Variants in DNM3 observed in about 807,000 individuals in gnomAD.
DNM3 encodes the protein dynamin-3.
Under a neutral mutation model 101.6 loss-of-function variants are expected in DNM3, and 47 were observed. The observed-to-expected ratio is 0.46, with a 90% CI of 0.37 to 0.59. The LOEUF is 0.59. Among genes scored for constraint, DNM3 ranks in the 20% least tolerant of loss-of-function variants. The pLI is 0.00. For synonymous variants in DNM3, 385 were observed against 387.9 expected (o/e 0.99, Z 0.09); for missense variants, 849 against 1,085.7 (o/e 0.78, Z 3.06).
intron 2 of DNM3, among the ~76,000 whole-genome samples, chr1:171,980,102 T>C (rs543363655): frequency 6.6e-6 from 1 of 151,806 alleles, no homozygotes; most frequent in Non-Finnish European, 1.5e-5. Flanking sequence ...CTCTAACTTT[T>C]ACCCACTGCA....
intron 14 of DNM3, among the ~76,000 whole-genome samples, chr1:172,163,524 C>T (rs2058628613): frequency 6.6e-6 from 1 of 152,030 alleles, no homozygotes; most frequent in African/African-American, 2.4e-5. Context: ...AGGCGTGAGC[C>T]ACTGTGCCTG....
chr1:172,023,973 T>C (rs2048023647), intron 4 of DNM3, among the ~76,000 whole-genome samples: 1 of 151,986 alleles, frequency 6.6e-6, no homozygotes, highest in South Asian at 2.1e-4. Context: ...GTTATTGAGA[T>C]TTTTTGCCTG....
intron 15 of DNM3, among the ~76,000 whole-genome samples, chr1:172,293,429 T>C (rs779095900): frequency 6.6e-6 from 1 of 152,222 alleles, no homozygotes; most frequent in Non-Finnish European, 1.5e-5. Flanking sequence ...AAGTGACTTA[T>C]TTCTTTAAAC....
At chr1:171,873,402 A>G (rs1221058394) in intron 1 of DNM3, among the ~76,000 whole-genome samples, 7 of 152,324 alleles carry the variant, frequency 4.6e-5, no homozygotes, top group Admixed American at 1.3e-4. Flanking sequence ...TTTAAGAGCT[A>G]GAAAAAAGCC....
At chr1:172,044,593 T>C (rs1044764024) in intron 9 of DNM3, 141 bp downstream of exon 9, 3 of 721,824 alleles carry the variant, frequency 4.2e-6, no homozygotes, top group Non-Finnish European at 6.7e-6. Flanking sequence ...AAATCCTACT[T>C]TGGGGTTTAA....
intron 15 of DNM3, among the ~76,000 whole-genome samples, chr1:172,275,658 A>T (rs377150999): frequency 2.3e-4 from 35 of 152,022 alleles, no homozygotes; most frequent in African/African-American, 8.5e-4. Flanking sequence ...TTTCCAGCCC[A>T]TGGAAACACA....
At chr1:171,985,288 T>A (rs1191596376) in intron 2 of DNM3, among the ~76,000 whole-genome samples, 1 of 152,248 alleles carries the variant, frequency 6.6e-6, no homozygotes, top group East Asian at 1.9e-4. Context: ...AATTTTTGCT[T>A]GTTTTCTGGG....
chr1:172,194,455 G>A lies in DNM3; in HGVS notation c.1660-59118G>A, dbSNP rs556339193. On this transcript the variant is annotated intron_variant, in intron 14 of 20. Coordinates refer to ENST00000627582, the MANE Select transcript of DNM3 (RefSeq NM_015569.5). ...CTCATTGATCTGTCTAATGTTGACAGTGGGGTGTTAAAGTCTCCCATTATT... is the reference window on the plus strand; with the variant it reads ...CTCATTGATCTGTCTAATGTTGACAATGGGGTGTTAAAGTCTCCCATTATT... 3.7e-4 allele frequency among the ~76,000 whole-genome samples: 56 copies of A among 152,242 alleles called. 1 individual carries two copies. The South Asian group carries it at 0.011, about 29-fold the overall frequency.
chr1:172,322,328 G>T (rs971027569), intron 16 of DNM3, among the ~76,000 whole-genome samples: 2 of 152,114 alleles, frequency 1.3e-5, no homozygotes, highest in Non-Finnish European at 2.9e-5. Context: ...GTGTCTCAGC[G>T]AGAAATTCCT....
At chr1:172,180,793 T>C (rs561239755) in intron 14 of DNM3, among the ~76,000 whole-genome samples, 1 of 152,230 alleles carries the variant, frequency 6.6e-6, no homozygotes, top group South Asian at 2.1e-4. Context: ...AACACTCTCC[T>C]CTGTTATGTA....
chr1:172,064,266 G>A (rs764859179), intron 10 of DNM3, among the ~76,000 whole-genome samples: 1 of 152,032 alleles, frequency 6.6e-6, no homozygotes, highest in Non-Finnish European at 1.5e-5. Context: ...TTAATATTCT[G>A]ATTACTTTGA....
chr1:172,082,619 G>A (rs1348052275), intron 12 of DNM3, among the ~76,000 whole-genome samples: 1 of 151,822 alleles, frequency 6.6e-6, no homozygotes, highest in Non-Finnish European at 1.5e-5. Flanking sequence ...ATAAAATATA[G>A]CCTATTTTAT....
At chr1:171,888,275 G>C (rs2036956600) in intron 1 of DNM3, among the ~76,000 whole-genome samples, 1 of 152,112 alleles carries the variant, frequency 6.6e-6, no homozygotes, top group African/African-American at 2.4e-5. Context: ...TTAAAGGATA[G>C]TGGAGCTGGG....
chr1:172,263,479 A>G (rs2062743119), intron 15 of DNM3, among the ~76,000 whole-genome samples: 1 of 152,206 alleles, frequency 6.6e-6, no homozygotes. Flanking sequence ...GCTGCTAATA[A>G]AGACATATCT....
intron 12 of DNM3, among the ~76,000 whole-genome samples, chr1:172,083,496 G>A (rs2053306954): frequency 1.3e-5 from 2 of 152,280 alleles, no homozygotes; most frequent in South Asian, 4.1e-4. Context: ...ACAAATGCCA[G>A]TTAGGTTCTT....
chr1:172,040,905 T>G (rs1338198814), intron 7 of DNM3, among the ~76,000 whole-genome samples: 1 of 152,042 alleles, frequency 6.6e-6, no homozygotes, highest in Non-Finnish European at 1.5e-5. Context: ...GGCTTCCTTA[T>G]GGTTGGCTGG....
chr1:172,162,491 G>A (rs1181598890), intron 14 of DNM3, among the ~76,000 whole-genome samples: 2 of 151,572 alleles, frequency 1.3e-5, no homozygotes, highest in Admixed American at 1.3e-4. Context: ...ATGGAAAGCA[G>A]AAAAAAAATA....
chr1:172,039,325 C>G (rs539104915), intron 7 of DNM3, among the ~76,000 whole-genome samples: 1 of 152,172 alleles, frequency 6.6e-6, no homozygotes, highest in Non-Finnish European at 1.5e-5. Context: ...TCAAAGCATC[C>G]TTCAATTGGC....
chr1:171,879,742 G>C (rs6679341), intron 1 of DNM3, among the ~76,000 whole-genome samples: 113,762 of 152,088 alleles, frequency 0.75, 43,241 homozygotes, highest in African/African-American at 0.9. Flanking sequence ...TCAAATCACA[G>C]CACCCTAGCC....
Sources: gnomAD v4.1 joint callset for allele counts (sites outside exome capture counted in the v4.1 genomes callset) on GRCh38, gnomAD v4.1.1 for gene constraint, MANE v1.5 for transcripts, NCBI Gene and HGNC (gene_info 2026-07-23, HGNC 2026-07-21) for gene names.